Variants in RNF220 observed in about 807,000 individuals in gnomAD.
RNF220 encodes the protein E3 ubiquitin-protein ligase RNF220.
A neutral mutation model predicts 67.1 loss-of-function variants in RNF220; 7 were observed. The observed-to-expected ratio is 0.10, with a 90% confidence interval of 0.06 to 0.20. The LOEUF is 0.20. Among genes scored for constraint, RNF220 ranks in the 10% least tolerant of loss-of-function variants. The pLI is 1.00. For synonymous variants in RNF220, 270 were observed against 283.2 expected, an observed-to-expected ratio of 0.95 and a Z score of 0.47; for missense variants, 565 against 740.3, an observed-to-expected ratio of 0.76 and a Z score of 2.75.
At chr1:44,508,094 G>A (rs531442403) in intron 2 of RNF220, among the ~76,000 whole-genome samples, 3 of 151,928 alleles carry the variant, frequency 2.0e-5, no homozygotes, top group Non-Finnish European at 4.4e-5. Flanking sequence ...TGTGGGGGTG[G>A]TGGAGCAGGC....
chr1:44,478,859 C>T (rs944884240), intron 2 of RNF220, among the ~76,000 whole-genome samples: 6 of 152,218 alleles, frequency 3.9e-5, no homozygotes, highest in Admixed American at 6.5e-5. Context: ...GATTCTGGAT[C>T]TCCCATCCAT....
intron 7 of RNF220, 146 bp downstream of exon 7, chr1:44,635,734 C>T: frequency 1.3e-6 from 2 of 1,500,300 alleles, no homozygotes; most frequent in Middle Eastern, 2.1e-4. Flanking sequence ...GCTGACTGCC[C>T]CTGAATCTGT....
At chr1:44,594,122 A>G (rs1666304196) in intron 2 of RNF220, among the ~76,000 whole-genome samples, 2 of 152,032 alleles carry the variant, frequency 1.3e-5, no homozygotes, top group African/African-American at 2.4e-5. Flanking sequence ...CTTATAGTCC[A>G]GCTTGAATAA....
chr1:44,577,632 G>A (rs912724579), intron 2 of RNF220, among the ~76,000 whole-genome samples: 5 of 152,198 alleles, frequency 3.3e-5, no homozygotes, highest in Non-Finnish European at 5.9e-5. Flanking sequence ...AAAGATACAA[G>A]ATACTTAAGG....
intron 2 of RNF220, among the ~76,000 whole-genome samples, chr1:44,413,451 T>A (rs973262995): frequency 6.6e-6 from 1 of 152,256 alleles, no homozygotes; most frequent in African/African-American, 2.4e-5. Context: ...AACAGCTTTT[T>A]TTCATGTTCT....
intron 5 of RNF220, among the ~76,000 whole-genome samples, chr1:44,628,040 A>G (rs1349716652): frequency 6.6e-6 from 1 of 152,246 alleles, no homozygotes; most frequent in East Asian, 1.9e-4. Flanking sequence ...AGGAAGCCCA[A>G]TAAGCCCCTG....
At chr1:44,597,910 G>A (rs938355262) in intron 2 of RNF220, among the ~76,000 whole-genome samples, 16 of 150,570 alleles carry the variant, frequency 1.1e-4, no homozygotes, top group Admixed American at 8.6e-4. Flanking sequence ...ACATACACCC[G>A]TCTACCTCCT....
At chr1:44,452,793 C>CT (rs1409822774) in intron 2 of RNF220, among the ~76,000 whole-genome samples, 1 of 152,014 alleles carries the variant, frequency 6.6e-6, no homozygotes. Flanking sequence ...ATTATCTTTC[C>CT]TTTTTCTTTG....
chr1:44,588,640 T>C (rs1027415563), intron 2 of RNF220, among the ~76,000 whole-genome samples: 4 of 152,208 alleles, frequency 2.6e-5, no homozygotes, highest in African/African-American at 9.6e-5. Flanking sequence ...TGGTTGGTGC[T>C]GGTAGCTGGG....
intron 6 of RNF220, among the ~76,000 whole-genome samples, chr1:44,633,207 G>A (rs926184044): frequency 6.6e-6 from 1 of 152,202 alleles, no homozygotes; most frequent in Non-Finnish European, 1.5e-5. Flanking sequence ...TGATGGGCTG[G>A]CGCCATGTTA....
At chr1:44,629,688 TA>T (rs954802275) in intron 5 of RNF220, among the ~76,000 whole-genome samples, 3 of 151,230 alleles carry the variant, frequency 2.0e-5, no homozygotes, top group Admixed American at 6.6e-5. Context: ...AAATATAAAA[TA>T]AAAAAAATTA....
intron 5 of RNF220, among the ~76,000 whole-genome samples, chr1:44,627,332 A>G (rs2148461661): frequency 7.3e-6 from 1 of 136,120 alleles, no homozygotes; most frequent in African/African-American, 2.8e-5. Context: ...GTGACAGAGC[A>G]AGACTCCGTC....
rs1215025250 is a variant in RNF220, at chr1:44,570,381, C to T, written c.626-43784C>T. ...TTGGTAACATTTCTTCTGAAAATTG[C>T]TTGTCTTCTTCCCTACTAGAATGTA... is the stretch of plus-strand genomic sequence containing the variant. On this transcript the variant is annotated intron_variant, in intron 2 of 14. Coordinates refer to ENST00000361799, the MANE Select transcript of RNF220 (RefSeq NM_018150.4). Among the ~76,000 whole-genome samples, 4 of 152,302 alleles carry T rather than the reference C, an allele frequency of 2.6e-5. No homozygotes were observed. In the East Asian group the frequency reaches 5.8e-4, roughly 22 times the overall value.
rs1297794278 is a variant in RNF220 at position 44,517,307 on chromosome 1, AC to A, written c.626-96853del. Among the ~76,000 whole-genome samples the A allele has an allele frequency of 5.9e-5, 9 of 151,810 alleles. No homozygotes were observed. The East Asian group carries it at 1.7e-3, about 29-fold the overall frequency. On this transcript the variant is annotated intron_variant, in intron 2 of 14. Transcript: ENST00000361799. ...CAAGACCTGCCCCCTGTCTTCCCGG[AC>A]CCCCATCTCTCCTCGGGGTCTTTCA...
At chr1:44,455,269 C>G (rs1653063266) in intron 2 of RNF220, among the ~76,000 whole-genome samples, 1 of 152,050 alleles carries the variant, frequency 6.6e-6, no homozygotes, top group Admixed American at 6.6e-5. Flanking sequence ...CAAAATGCCT[C>G]AAGCACAAAA....
chr1:44,566,872 CAT>C (rs978318260), intron 2 of RNF220, among the ~76,000 whole-genome samples: 2 of 152,214 alleles, frequency 1.3e-5, no homozygotes, highest in Admixed American at 1.3e-4. Flanking sequence ...TCACCACTAA[CAT>C]AGCTCCATTT....
rs148834688 is a variant in RNF220, at chr1:44,526,130, C to T, written c.626-88035C>T. ...CCACCTGTTTGCCTACCTCAAATCC[C>T]AAATCCATGAAAGCATTTACTTTCT... On this transcript the variant is annotated intron_variant, in intron 2 of 14. Transcript: ENST00000361799. Among the ~76,000 whole-genome samples, 710 of 152,314 alleles carry T rather than the reference C, an allele frequency of 4.7e-3. 4 individuals are homozygous for T. The highest frequency in any genetic ancestry group is 0.016 in the African/African-American group (674 of 41,568).
At chr1:44,420,947 A>G (rs1649144580) in intron 2 of RNF220, among the ~76,000 whole-genome samples, 1 of 152,234 alleles carries the variant, frequency 6.6e-6, no homozygotes, top group Non-Finnish European at 1.5e-5. Flanking sequence ...ACACAGGGTC[A>G]TTAACAACTA....
intron 2 of RNF220, among the ~76,000 whole-genome samples, chr1:44,461,949 C>A (rs1280503332): frequency 1.0e-5 from 1 of 98,590 alleles, no homozygotes; most frequent in Admixed American, 1.1e-4. Flanking sequence ...TTTTTTTGAG[C>A]CAGAGTCTTG....
Sources: allele counts gnomAD v4.1 joint callset (sites outside exome capture counted in the v4.1 genomes callset), GRCh38; gene constraint gnomAD v4.1.1; transcripts MANE v1.5; gene names NCBI Gene and HGNC (gene_info 2026-07-23, HGNC 2026-07-21).